Variants in GC observed in about 807,000 individuals in gnomAD.
GC encodes the protein vitamin D-binding protein.
A neutral mutation model predicts 56.7 loss-of-function variants in GC; 43 were observed. The ratio of observed to expected loss-of-function variants is 0.76; its 90% CI spans 0.59 to 0.98. The LOEUF (loss-of-function observed/expected upper bound fraction) is 0.98. Ranked by LOEUF, GC falls within the 50% of genes least tolerant of loss-of-function variation. The pLI, the probability that GC is intolerant of heterozygous loss-of-function variation, is 0.00. For missense variants in GC, 529 were observed against 545.9 expected, an observed-to-expected ratio of 0.97 and a Z score of 0.31; for synonymous variants, 216 against 202.7, an observed-to-expected ratio of 1.07 and a Z score of -0.56.
intron 1 of GC, chr4:71,803,840 A>G (rs543548999): frequency 1.3e-6 from 1 of 772,240 alleles, no homozygotes; most frequent in African/African-American, 1.7e-5. Flanking sequence ...TGGTAGTCAG[A>G]ACATTGTAAA....
At position 71,751,511 on chromosome 4, in the gene GC, G is replaced by T. The variant is rs575958461; in HGVS notation, c.1395+1007C>A. Among the ~76,000 whole-genome samples, 6 of 152,290 alleles carry T rather than the reference G, an allele frequency of 3.9e-5. No homozygotes were observed. In the East Asian group the frequency reaches 1.2e-3, roughly 29 times the overall value. Reference sequence around the variant, plus strand: ...CAAAAAGGTTTGGCCAGAACTGCTGGTGTTTTGCACAAATTAAAAAATAAA... The same window carrying T: ...CAAAAAGGTTTGGCCAGAACTGCTGTTGTTTTGCACAAATTAAAAAATAAA... On this transcript the variant is annotated intron_variant, in intron 11 of 12. Coordinates refer to ENST00000273951, the MANE Select transcript of GC (RefSeq NM_000583.4).
At chr4:71,769,542 G>T (rs529584765) in intron 1 of GC, 142 bp from the exon 2 acceptor site, 3 of 601,906 alleles carry the variant, frequency 5.0e-6, no homozygotes, top group Non-Finnish European at 5.9e-6. Flanking sequence ...TCATATTTTG[G>T]GGGCCTTTCT....
At chr4:71,769,630 T>TA in intron 1 of GC, 1 of 468,930 alleles carries the variant, frequency 2.1e-6, no homozygotes, top group Non-Finnish European at 3.9e-6. Flanking sequence ...AAGGAGAGAG[T>TA]AAACTAATAC....
intron 7 of GC, 42 bp downstream of exon 7, chr4:71,758,000 A>G: frequency 6.3e-7 from 1 of 1,590,936 alleles, no homozygotes; most frequent in Non-Finnish European, 8.6e-7. Context: ...TTGGCACTCA[A>G]TACCTGGCAC....
At position 71,752,531 on chromosome 4, in the gene GC, T is replaced by A. The variant is rs772059695; in HGVS notation, c.1382A>T (p.Tyr461Phe). ...ACATTTTCCTACCTCTGAATCACAG[T>A]AAAGAGGAGGTGAGTTTATGGAACA... ...NCCSINSPPL[Y>F]CDSEIDAELK... The change falls in exon 11 of 13, where the codon TAC becomes TTC. Residue 461 changes from tyrosine to phenylalanine, a missense_variant. Transcript: ENST00000273951. 1 of 1,612,640 alleles carries A rather than the reference T, an allele frequency of 6.2e-7. No individual in the cohort carries two copies. Among genetic ancestry groups the A allele is most frequent in the South Asian group, 1.1e-5 (1 of 90,856 alleles).
chr4:71,797,560 C>T (rs1401193383), intron 1 of GC, among the ~76,000 whole-genome samples: 1 of 151,892 alleles, frequency 6.6e-6, no homozygotes, highest in Non-Finnish European at 1.5e-5. Flanking sequence ...CCTTTTTTTT[C>T]CAGGTACATT....
chr4:71,746,223 A>G lies in GC; in HGVS notation c.1396-18T>C. The G allele has an allele frequency of 8.7e-7, 1 of 1,154,504 alleles. No individual in the cohort carries two copies. Among genetic ancestry groups the G allele is most frequent in the Non-Finnish European group, 1.3e-6 (1 of 767,148 alleles). 71.5% of individuals were successfully genotyped at this position (1,154,504 alleles called of 1,614,324 possible). ...GCATCAATCTGATAATGAAAAAAGA[A>G]TGTTATATAACTTATGAAGTATTTC... On this transcript the variant is annotated intron_variant, in intron 11 of 12. Coordinates refer to ENST00000273951, the MANE Select transcript of GC (RefSeq NM_000583.4).
intron 1 of GC, among the ~76,000 whole-genome samples, chr4:71,770,251 C>T (rs1400399539): frequency 6.6e-6 from 1 of 152,098 alleles, no homozygotes; most frequent in African/African-American, 2.4e-5. Context: ...ACCTGCAGAC[C>T]TGATGTAGCT....
chr4:71,754,915 C>A, intron 9 of GC, 63 bp downstream of exon 9: 2 of 1,194,572 alleles, frequency 1.7e-6, no homozygotes, highest in South Asian at 1.6e-5. Flanking sequence ...AGTTTTGGCC[C>A]ATGAACTATA....
chr4:71,751,854 A>C (rs1368126336), intron 11 of GC, among the ~76,000 whole-genome samples: 4 of 152,144 alleles, frequency 2.6e-5, no homozygotes, highest in African/African-American at 4.8e-5. Flanking sequence ...AAATGACTAA[A>C]ATTTTAATAT....
chr4:71,776,651 C>T (rs958364125), intron 1 of GC, among the ~76,000 whole-genome samples: 1 of 151,692 alleles, frequency 6.6e-6, no homozygotes, highest in Non-Finnish European at 1.5e-5. Context: ...TTTCAAATGC[C>T]TCAGAAAAAA....
chr4:71,772,989 A>G (rs1012306151), intron 1 of GC, among the ~76,000 whole-genome samples: 5 of 152,124 alleles, frequency 3.3e-5, no homozygotes, highest in African/African-American at 9.6e-5. Flanking sequence ...TGTGATTATT[A>G]CTAATTGATT....
upstream of GC, chr4:71,785,924 G>A (rs1209852958): frequency 4.0e-5 from 6 of 151,660 alleles, no homozygotes; most frequent in Admixed American, 4.0e-4. Context: ...TTATACTTCT[G>A]TATCCCTTTT....
chr4:71,802,785 C>T (rs947096963), intron 1 of GC, among the ~76,000 whole-genome samples: 1 of 152,142 alleles, frequency 6.6e-6, no homozygotes, highest in Non-Finnish European at 1.5e-5. Flanking sequence ...AATATAGATG[C>T]TTTTCAACTT....
chr4:71,772,178 T>C (rs1051546637), intron 1 of GC, among the ~76,000 whole-genome samples: 32 of 152,136 alleles, frequency 2.1e-4, no homozygotes, highest in African/African-American at 7.2e-4. Flanking sequence ...CTTTTAAAAA[T>C]AGCGAGAGAT....
intron 7 of GC, 123 bp from the exon 8 acceptor site, chr4:71,757,037 A>G: frequency 1.5e-6 from 1 of 653,790 alleles, no homozygotes; most frequent in East Asian, 2.7e-5. Flanking sequence ...AGACTCTCAG[A>G]AAGAAAATTG....
intron 3 of GC, among the ~76,000 whole-genome samples, chr4:71,766,015 C>T (rs1414855099): frequency 6.6e-6 from 1 of 152,176 alleles, no homozygotes; most frequent in Non-Finnish European, 1.5e-5. Context: ...ATGATTCTGT[C>T]ATTATCTCCC....
chr4:71,787,537 T>C (rs913578170), upstream of GC, among the ~76,000 whole-genome samples: 1 of 151,936 alleles, frequency 6.6e-6, no homozygotes, highest in African/African-American at 2.4e-5. Flanking sequence ...TACATGGCTC[T>C]TCCCCTCATG....
intron 12 of GC, among the ~76,000 whole-genome samples, chr4:71,743,666 A>G (rs1244780968): frequency 2.0e-5 from 3 of 152,240 alleles, no homozygotes; most frequent in Non-Finnish European, 2.9e-5. Context: ...TTGTGGTCTC[A>G]TTATTTCTGG....
Sources: allele counts gnomAD v4.1 joint callset (sites outside exome capture counted in the v4.1 genomes callset), GRCh38; gene constraint gnomAD v4.1.1; transcripts MANE v1.5; gene names NCBI Gene and HGNC (gene_info 2026-07-23, HGNC 2026-07-21).